CCDC172: variants seen among roughly 807,000 people sequenced by gnomAD.
The protein encoded by CCDC172 is coiled-coil domain containing 172.
CCDC172 carries 30 observed loss-of-function variants against 38.0 expected under a neutral mutation model. The observed-to-expected ratio is 0.79, with a 90% confidence interval of 0.59 to 1.07. The LOEUF is 1.07. Ranked by LOEUF, CCDC172 falls within the 50% of genes least tolerant of loss-of-function variation. The pLI is 0.00. For missense variants in CCDC172, 297 were observed against 290.1 expected (o/e 1.02, Z -0.17); for synonymous variants, 78 against 88.3 (o/e 0.88, Z 0.66).
Position 116,324,970 on chromosome 10 carries a change from T to C in CCDC172, c.-42T>C, listed in dbSNP as rs1445277979. The C allele has an allele frequency of 2.0e-6, 3 of 1,525,410 alleles. No homozygotes were observed. In the Admixed American group the frequency reaches 5.0e-5, roughly 26 times the overall value. The allele number at this position is 1,525,410 out of a possible 1,614,324, so 94.5% of individuals were successfully genotyped here. A position where few individuals can be genotyped will look rare whatever the true frequency, so the allele number is the denominator to read the frequency against. On this transcript the variant is annotated 5_prime_UTR_variant, in exon 2 of 9. Coordinates refer to ENST00000333254, the MANE Select transcript of CCDC172 (RefSeq NM_198515.3). Reference sequence around the variant, plus strand: ...AGGATCCTCAGAGTTGGTTATAAAATATTTAAGGGCGAGAAAAGGATCGCA... The same window carrying C: ...AGGATCCTCAGAGTTGGTTATAAAACATTTAAGGGCGAGAAAAGGATCGCA...
chr10:116,344,918 G>A (rs1044126123), intron 5 of CCDC172, among the ~76,000 whole-genome samples: 1 of 150,224 alleles, frequency 6.7e-6, no homozygotes, highest in African/African-American at 2.4e-5. Context: ...CTTACACAGA[G>A]TCAGTATCAC....
At chr10:116,356,189 GC>G (rs1020203286) in intron 5 of CCDC172, among the ~76,000 whole-genome samples, 4 of 152,010 alleles carry the variant, frequency 2.6e-5, no homozygotes, top group Admixed American at 2.0e-4. Flanking sequence ...AATTAGCCAG[GC>G]ATGGTGGCGA....
At chr10:116,361,343 A>AT (rs1038488603) in intron 7 of CCDC172, among the ~76,000 whole-genome samples, 5 of 152,050 alleles carry the variant, frequency 3.3e-5, no homozygotes, top group African/African-American at 7.2e-5. Flanking sequence ...CTTGATCATG[A>AT]TTTTTTTTAT....
At chr10:116,365,363 T>A (rs1307569974) in intron 7 of CCDC172, among the ~76,000 whole-genome samples, 2 of 152,316 alleles carry the variant, frequency 1.3e-5, no homozygotes, top group African/African-American at 4.8e-5. Context: ...CACCTAATTC[T>A]GATAGGCATG....
intron 7 of CCDC172, among the ~76,000 whole-genome samples, chr10:116,363,836 C>T (rs954862223): frequency 2.0e-4 from 30 of 150,962 alleles, no homozygotes; most frequent in African/African-American, 6.8e-4. Flanking sequence ...GATGCTGAGG[C>T]AGGAGAATCT....
chr10:116,325,007 C>G lies in CCDC172; in HGVS notation c.-5C>G. The G allele has an allele frequency of 1.2e-6, 2 of 1,613,848 alleles. No individual in the cohort carries two copies. Among genetic ancestry groups the G allele is most frequent in the Non-Finnish European group, 1.7e-6 (2 of 1,179,772 alleles). ...AGAAAAGGATCGCAGGAGCCAGGCCCTGAGATGAGCTTGGAGTCCCTGTTT... is the reference window on the plus strand; with the variant it reads ...AGAAAAGGATCGCAGGAGCCAGGCCGTGAGATGAGCTTGGAGTCCCTGTTT... On this transcript the variant is annotated 5_prime_UTR_variant, in exon 2 of 9. Coordinates refer to ENST00000333254, the MANE Select transcript of CCDC172 (RefSeq NM_198515.3).
chr10:116,327,029 T>C (rs1844601136), intron 3 of CCDC172, among the ~76,000 whole-genome samples: 1 of 152,154 alleles, frequency 6.6e-6, no homozygotes, highest in African/African-American at 2.4e-5. Flanking sequence ...TAGAAGCTAA[T>C]AGAAGTAATG....
intron 7 of CCDC172, among the ~76,000 whole-genome samples, chr10:116,359,717 A>C (rs1644521082): frequency 6.6e-6 from 1 of 152,248 alleles, no homozygotes; most frequent in South Asian, 2.1e-4. Context: ...AACTTTAACC[A>C]GTAAGAAAGC....
intron 3 of CCDC172, 107 bp downstream of exon 3, chr10:116,325,495 C>T: frequency 1.2e-6 from 1 of 808,208 alleles, no homozygotes; most frequent in Non-Finnish European, 2.0e-6. Flanking sequence ...GTAGGAAGCA[C>T]GTTACTCTGT....
intron 5 of CCDC172, among the ~76,000 whole-genome samples, chr10:116,344,499 G>T (rs185945711): frequency 1.3e-5 from 2 of 152,100 alleles, no homozygotes; most frequent in African/African-American, 4.8e-5. Context: ...TCTCTATAGG[G>T]CACCTTTATA....
chr10:116,355,951 T>C (rs1844990719), intron 5 of CCDC172, among the ~76,000 whole-genome samples: 2 of 152,178 alleles, frequency 1.3e-5, no homozygotes, highest in Non-Finnish European at 2.9e-5. Context: ...AATTGTATAC[T>C]TTAAAAGGAT....
At chr10:116,331,274 T>A (rs1844659272) in intron 3 of CCDC172, among the ~76,000 whole-genome samples, 1 of 152,178 alleles carries the variant, frequency 6.6e-6, no homozygotes, top group Non-Finnish European at 1.5e-5. Flanking sequence ...AAAGAAATTC[T>A]CAATAATTTT....
rs781353962 is a variant in CCDC172 at position 116,379,303 on chromosome 10, T to C, written c.742-20T>C. 11 of 1,522,200 alleles carry C rather than the reference T, an allele frequency of 7.2e-6. No homozygotes were observed. The highest frequency in any genetic ancestry group is 9.8e-6 in the Non-Finnish European group (11 of 1,120,566). The allele number at this position is 1,522,200 out of a possible 1,614,324, so 94.3% of individuals were successfully genotyped here. A position where few individuals can be genotyped will look rare whatever the true frequency, so the allele number is the denominator to read the frequency against. ...AGAATTTACTTTTCCTCATGAGTAA[T>C]TACTATGTTTTCTTTTCAGACATTG... On this transcript the variant is annotated intron_variant, in intron 8 of 8. Transcript: ENST00000333254.
chr10:116,367,333 T>C (rs1402998627), intron 7 of CCDC172, among the ~76,000 whole-genome samples: 2 of 152,148 alleles, frequency 1.3e-5, no homozygotes, highest in East Asian at 1.9e-4. Context: ...TGTTGCACAT[T>C]GTATGCATGT....
At chr10:116,357,994 G>T in intron 7 of CCDC172, 56 bp downstream of exon 7, 2 of 896,090 alleles carry the variant, frequency 2.2e-6, no homozygotes, top group East Asian at 2.6e-5. Context: ...AAGTTAAATA[G>T]ATTTCAGTAT....
At chr10:116,378,571 G>A (rs1205607731) in intron 8 of CCDC172, 61 bp downstream of exon 8, 75 of 1,284,094 alleles carry the variant, frequency 5.8e-5, no homozygotes, top group East Asian at 1.9e-4. Flanking sequence ...GGTAAGGAAC[G>A]GTTTTACTGG....
intron 5 of CCDC172, among the ~76,000 whole-genome samples, chr10:116,347,328 G>A (rs1844879832): frequency 6.6e-6 from 1 of 152,166 alleles, no homozygotes; most frequent in African/African-American, 2.4e-5. Flanking sequence ...GTTGATTGCT[G>A]CTGAGCTGTC....
At chr10:116,353,142 G>A (rs1034212238) in intron 5 of CCDC172, among the ~76,000 whole-genome samples, 13 of 151,736 alleles carry the variant, frequency 8.6e-5, no homozygotes, top group Admixed American at 7.9e-4. Context: ...GCAGTGAGCC[G>A]AGATCGCGCC....
chr10:116,348,619 G>T (rs890638029), intron 5 of CCDC172, among the ~76,000 whole-genome samples: 1 of 151,998 alleles, frequency 6.6e-6, no homozygotes, highest in African/African-American at 2.4e-5. Context: ...TTTTAAAAAA[G>T]ATATTATTAA....
Sources: gnomAD v4.1 joint callset for allele counts (sites outside exome capture counted in the v4.1 genomes callset) on GRCh38, gnomAD v4.1.1 for gene constraint, MANE v1.5 for transcripts, NCBI Gene and HGNC (gene_info 2026-07-23, HGNC 2026-07-21) for gene names.